The following STXBP5 variants were observed in gnomAD, a reference collection of about 807,000 sequenced individuals.
STXBP5 encodes the protein syntaxin-binding protein 5.
A neutral mutation model predicts 152.4 loss-of-function variants in STXBP5; 50 were observed. The observed-to-expected ratio is 0.33, with a 90% CI of 0.26 to 0.42. The LOEUF is 0.42. STXBP5 is among the 10% of genes least tolerant of loss of function. The pLI is 1.00. For missense variants in STXBP5, 1,167 were observed against 1,388.6 expected, an observed-to-expected ratio of 0.84 and a Z score of 2.54; for synonymous variants, 492 against 494.7, an observed-to-expected ratio of 0.99 and a Z score of 0.07.
At chr6:147,309,224 T>G (rs985836391) in intron 9 of STXBP5, among the ~76,000 whole-genome samples, 1 of 152,110 alleles carries the variant, frequency 6.6e-6, no homozygotes, top group African/African-American at 2.4e-5. Context: ...GGAAGATAGA[T>G]ACACTGACCT....
At chr6:147,242,159 G>A (rs1778578327) in intron 4 of STXBP5, among the ~76,000 whole-genome samples, 1 of 147,562 alleles carries the variant, frequency 6.8e-6, no homozygotes. Context: ...GTGTGTGACT[G>A]TGTCTTAGTT....
chr6:147,258,827 A>G (rs1225907370), intron 4 of STXBP5, among the ~76,000 whole-genome samples: 3 of 152,014 alleles, frequency 2.0e-5, no homozygotes, highest in Non-Finnish European at 4.4e-5. Context: ...ATATTATTTA[A>G]TTATTTTATC....
At chr6:147,307,155 A>T (rs1782135052) in intron 9 of STXBP5, among the ~76,000 whole-genome samples, 1 of 152,186 alleles carries the variant, frequency 6.6e-6, no homozygotes, top group African/African-American at 2.4e-5. Context: ...ATTGGCAGAA[A>T]GCGTGTTTAC....
At chr6:147,216,218 C>A (rs1777157670) in intron 2 of STXBP5, among the ~76,000 whole-genome samples, 1 of 152,060 alleles carries the variant, frequency 6.6e-6, no homozygotes, top group Admixed American at 6.6e-5. Context: ...ATGGTGAAAC[C>A]CCGTCTCTAC....
intron 9 of STXBP5, among the ~76,000 whole-genome samples, chr6:147,293,954 C>G (rs972379390): frequency 6.6e-6 from 1 of 152,122 alleles, no homozygotes; most frequent in South Asian, 2.1e-4. Context: ...CTTAGTTTAA[C>G]TCTGAGGCAA....
rs955250231 is a variant in STXBP5, at chr6:147,353,323, C to T, written c.2255C>T (p.Ala752Val). Residue 752 changes from alanine (A) to valine (V), a missense_variant and splice_region_variant, in exon 22 of 28, where the codon GCA becomes GTA. Physicochemically the swap from Ala to Val is moderately conservative, Grantham distance 64. Transcript: ENST00000321680. Reference sequence around the variant, plus strand: ...TTTAAAAATGTCTTTTATTTTTCAGCAAAGATGTCAAGGAAGTTAAGCTTA... The same window carrying T: ...TTTAAAAATGTCTTTTATTTTTCAGTAAAGATGTCAAGGAAGTTAAGCTTA... ...KFSKMVANDI[A>V]KMSRKLSLPT... 3.1e-5 allele frequency: 49 copies of T among 1,574,382 alleles called. No homozygotes were observed. The highest frequency in any genetic ancestry group is 3.7e-5 in the Non-Finnish European group (43 of 1,158,522).
intron 9 of STXBP5, chr6:147,292,175 C>G (rs1386730953): frequency 1.6e-5 from 7 of 425,558 alleles, no homozygotes; most frequent in Non-Finnish European, 3.3e-5. Flanking sequence ...CATTTCAATT[C>G]AACTCATTTG....
chr6:147,293,177 G>C (rs561585022), intron 9 of STXBP5: 1 of 152,220 alleles, frequency 6.6e-6, no homozygotes, highest in South Asian at 2.1e-4. Flanking sequence ...CGAGATTTGT[G>C]TAAGTTACAC....
At chr6:147,249,260 A>G (rs1778970875) in intron 4 of STXBP5, among the ~76,000 whole-genome samples, 1 of 152,338 alleles carries the variant, frequency 6.6e-6, no homozygotes, top group African/African-American at 2.4e-5. Context: ...CAGTAAAAAA[A>G]AAAAATACAC....
intron 2 of STXBP5, among the ~76,000 whole-genome samples, chr6:147,221,627 A>G (rs1582803334): frequency 1.3e-5 from 2 of 151,498 alleles, no homozygotes; most frequent in Non-Finnish European, 2.9e-5. Context: ...AGTCAGAAAT[A>G]ATTTTTATCT....
At chr6:147,244,433 C>T (rs1778701630) in intron 4 of STXBP5, among the ~76,000 whole-genome samples, 1 of 152,200 alleles carries the variant, frequency 6.6e-6, no homozygotes, top group Non-Finnish European at 1.5e-5. Flanking sequence ...TCAATATCCA[C>T]ACAATAGCTT....
At chr6:147,206,126 T>C in intron 2 of STXBP5, 58 bp downstream of exon 2, 1 of 1,451,630 alleles carries the variant, frequency 6.9e-7, no homozygotes, top group Non-Finnish European at 9.6e-7. Context: ...AGTCCTTCTG[T>C]GTTGCTGATT....
At chr6:147,352,976 T>C (rs1784656098) in intron 21 of STXBP5, among the ~76,000 whole-genome samples, 1 of 151,932 alleles carries the variant, frequency 6.6e-6, no homozygotes, top group Non-Finnish European at 1.5e-5. Flanking sequence ...TGAGACCCCA[T>C]CTCTACAAAC....
intron 4 of STXBP5, among the ~76,000 whole-genome samples, chr6:147,251,144 G>A (rs182916174): frequency 5.1e-4 from 78 of 152,250 alleles, no homozygotes; most frequent in African/African-American, 1.7e-3. Flanking sequence ...AGAGTGAGCC[G>A]AAGCAGGGTG....
chr6:147,239,295 T>C (rs553485884), intron 4 of STXBP5, 25 bp downstream of exon 4: 5 of 1,581,522 alleles, frequency 3.2e-6, no homozygotes, highest in Admixed American at 3.4e-5. Flanking sequence ...AGTTATCTTA[T>C]GTATAGGATA....
intron 22 of STXBP5, among the ~76,000 whole-genome samples, chr6:147,357,702 C>A (rs1391824774): frequency 6.6e-6 from 1 of 152,022 alleles, no homozygotes; most frequent in South Asian, 2.1e-4. Flanking sequence ...CAATAAAATA[C>A]CTTAGGGCTT....
chr6:147,302,343 A>G (rs574767202), intron 9 of STXBP5, among the ~76,000 whole-genome samples: 54 of 152,282 alleles, frequency 3.5e-4, no homozygotes, highest in Non-Finnish European at 7.4e-4. Flanking sequence ...ACAAAAAGAA[A>G]GCCAGCATAA....
At chr6:147,256,811 C>T (rs771624848) in intron 4 of STXBP5, among the ~76,000 whole-genome samples, 4 of 152,070 alleles carry the variant, frequency 2.6e-5, no homozygotes, top group Non-Finnish European at 4.4e-5. Context: ...ACTGAATACT[C>T]ATTAGGTGTA....
chr6:147,213,484 G>GCA (rs1776998495), intron 2 of STXBP5, among the ~76,000 whole-genome samples: 5 of 149,292 alleles, frequency 3.3e-5, no homozygotes, highest in African/African-American at 9.9e-5. Context: ...GTGTGCGCGC[G>GCA]CATATATATA....
Sources: gnomAD v4.1 joint callset for allele counts (sites outside exome capture counted in the v4.1 genomes callset) on GRCh38, gnomAD v4.1.1 for gene constraint, MANE v1.5 for transcripts, NCBI Gene and HGNC (gene_info 2026-07-23, HGNC 2026-07-21) for gene names.